The following PTPRR variants were observed in gnomAD, a reference collection of about 807,000 sequenced individuals.
The protein encoded by PTPRR is receptor-type tyrosine-protein phosphatase R.
In PTPRR, 38 loss-of-function variants were observed where a neutral mutation model predicts 77.2. The ratio of observed to expected loss-of-function variants is 0.49; its 90% confidence interval spans 0.38 to 0.65. PTPRR has a LOEUF of 0.65. PTPRR is among the 30% of genes least tolerant of loss of function. PTPRR has a pLI of 0.00. For synonymous variants in PTPRR, 299 were observed against 283.1 expected (o/e 1.06, Z -0.57); for missense variants, 744 against 799.2 (o/e 0.93, Z 0.83).
chr12:70,798,478 CT>C (rs1891554993), intron 2 of PTPRR, among the ~76,000 whole-genome samples: 1 of 152,200 alleles, frequency 6.6e-6, no homozygotes. Flanking sequence ...TTTCCTACTG[CT>C]TTTACAACAG....
rs1197491802 is a variant in PTPRR at position 70,686,306 on chromosome 12, A to G, written c.1280-1523T>C. On this transcript the variant is annotated intron_variant, in intron 8 of 13. Transcript: ENST00000283228. The stretch of plus-strand genomic sequence containing the variant: ...GTTTCATAGAATATATTTAAATGGG[A>G]GCTAAAAATAATTAAAAATTTAACA... Among the ~76,000 whole-genome samples the G allele has an allele frequency of 2.0e-5, 3 of 152,344 alleles. No individual in the cohort carries two copies. In the East Asian group the frequency reaches 5.8e-4, roughly 29 times the overall value.
chr12:70,648,594 C>A (rs946148582), intron 13 of PTPRR, among the ~76,000 whole-genome samples: 23 of 152,140 alleles, frequency 1.5e-4, no homozygotes, highest in Non-Finnish European at 3.4e-4. Context: ...TTACGCCCCA[C>A]ATCTCCTTTT....
intron 4 of PTPRR, among the ~76,000 whole-genome samples, chr12:70,756,878 T>C (rs11178393): frequency 0.087 from 13,184 of 152,162 alleles, 602 homozygotes; most frequent in Middle Eastern, 0.12. Flanking sequence ...GAGATACACC[T>C]CTTTAAGAGA....
chr12:70,835,440 A>C (rs1370730170), intron 2 of PTPRR, among the ~76,000 whole-genome samples: 1 of 152,124 alleles, frequency 6.6e-6, no homozygotes, highest in African/African-American at 2.4e-5. Flanking sequence ...TGTTCCATTT[A>C]ATAACTGATG....
At chr12:70,666,346 C>A (rs1026607961) in intron 10 of PTPRR, among the ~76,000 whole-genome samples, 5 of 152,288 alleles carry the variant, frequency 3.3e-5, no homozygotes, top group East Asian at 3.9e-4. Flanking sequence ...GCACATGCAA[C>A]CTTGCATAGT....
intron 10 of PTPRR, among the ~76,000 whole-genome samples, chr12:70,677,271 T>C (rs1251923852): frequency 1.3e-5 from 2 of 152,212 alleles, no homozygotes; most frequent in Admixed American, 1.3e-4. Flanking sequence ...TAAATCTGTA[T>C]CCTTGAACTT....
At chr12:70,664,143 A>G (rs1886894587) in intron 10 of PTPRR, among the ~76,000 whole-genome samples, 1 of 152,180 alleles carries the variant, frequency 6.6e-6, no homozygotes, top group Admixed American at 6.5e-5. Flanking sequence ...AATGAAGTAA[A>G]TTGTTTCAGC....
chr12:70,655,050 C>T (rs1886526926), intron 13 of PTPRR, among the ~76,000 whole-genome samples: 1 of 152,244 alleles, frequency 6.6e-6, no homozygotes, highest in Non-Finnish European at 1.5e-5. Flanking sequence ...CTTTCTCCAT[C>T]ACTAACTCAA....
intron 2 of PTPRR, among the ~76,000 whole-genome samples, chr12:70,850,876 A>C (rs1592792390): frequency 1.3e-5 from 2 of 152,062 alleles, no homozygotes; most frequent in Non-Finnish European, 2.9e-5. Flanking sequence ...ACCTCAGTAC[A>C]TCTTTTGTTG....
chr12:70,645,686 C>T (rs933978986), intron 13 of PTPRR, among the ~76,000 whole-genome samples: 3 of 152,194 alleles, frequency 2.0e-5, no homozygotes, highest in African/African-American at 7.2e-5. Flanking sequence ...AGAGAGGATT[C>T]AGATATACTA....
At chr12:70,852,948 T>C (rs1892594308) in intron 2 of PTPRR, among the ~76,000 whole-genome samples, 1 of 152,176 alleles carries the variant, frequency 6.6e-6, no homozygotes, top group Non-Finnish European at 1.5e-5. Flanking sequence ...CAAAAGAAGT[T>C]CTGTCCTCAT....
chr12:70,708,587 G>C (rs934926308), intron 6 of PTPRR, among the ~76,000 whole-genome samples: 2 of 150,156 alleles, frequency 1.3e-5, no homozygotes, highest in Non-Finnish European at 3.0e-5. Context: ...TTTGTCATTT[G>C]GTATTGTTTT....
chr12:70,788,730 A>G, intron 2 of PTPRR: 2 of 903,250 alleles, frequency 2.2e-6, no homozygotes, highest in Non-Finnish European at 3.5e-6. Flanking sequence ...ACATGAACAG[A>G]TATAGACATA....
At chr12:70,808,848 C>T (rs992223990) in intron 2 of PTPRR, among the ~76,000 whole-genome samples, 1 of 152,166 alleles carries the variant, frequency 6.6e-6, no homozygotes, top group Non-Finnish European at 1.5e-5. Flanking sequence ...TTCCCAATTC[C>T]TTTAACAAAT....
chr12:70,845,808 T>A (rs1592789884), intron 2 of PTPRR, among the ~76,000 whole-genome samples: 1 of 152,280 alleles, frequency 6.6e-6, no homozygotes, highest in East Asian at 1.9e-4. Flanking sequence ...TTTCTCTCTG[T>A]GAAGTCACTA....
chr12:70,685,254 C>A (rs1215737709), intron 8 of PTPRR, among the ~76,000 whole-genome samples: 3 of 152,212 alleles, frequency 2.0e-5, no homozygotes, highest in African/African-American at 7.2e-5. Flanking sequence ...ATCTCCTGAT[C>A]TTCCGAGATG....
At position 70,698,382 on chromosome 12, in the gene PTPRR, C is replaced by G. The variant is rs1323664080; in HGVS notation, c.1195-33G>C. The G allele has an allele frequency of 3.8e-6, 6 of 1,559,102 alleles. No individual in the cohort carries two copies. In the South Asian group the frequency reaches 5.6e-5, roughly 15 times the overall value. On this transcript the variant is annotated intron_variant, in intron 7 of 13. Coordinates refer to ENST00000283228, the MANE Select transcript of PTPRR (RefSeq NM_002849.4). ...AATAAATAATATCAAATTAGTGTATCTAATACTGCCACAAAGAAAATCTTC... is the reference window on the plus strand; with the variant it reads ...AATAAATAATATCAAATTAGTGTATGTAATACTGCCACAAAGAAAATCTTC...
At chr12:70,667,538 C>T (rs1176732257) in intron 10 of PTPRR, among the ~76,000 whole-genome samples, 1 of 152,126 alleles carries the variant, frequency 6.6e-6, no homozygotes, top group Non-Finnish European at 1.5e-5. Flanking sequence ...CAGGTTGCCT[C>T]TCCACCAACA....
chr12:70,820,420 G>A (rs953583096), intron 2 of PTPRR, among the ~76,000 whole-genome samples: 105 of 152,082 alleles, frequency 6.9e-4, no homozygotes, highest in African/African-American at 2.4e-3. Flanking sequence ...TGCAAGCTCC[G>A]CTTCCCGAGT....
Sources: gnomAD v4.1 joint callset for allele counts (sites outside exome capture counted in the v4.1 genomes callset) on GRCh38, gnomAD v4.1.1 for gene constraint, MANE v1.5 for transcripts, NCBI Gene and HGNC (gene_info 2026-07-23, HGNC 2026-07-21) for gene names.